MUC22: variants seen among roughly 807,000 people sequenced by gnomAD.
The protein encoded by MUC22 is mucin-22.
In MUC22, 24 loss-of-function variants were observed where a neutral mutation model predicts 40.3. The observed-to-expected ratio is 0.60, with a 90% CI of 0.43 to 0.84. MUC22 has a LOEUF of 0.84. MUC22 is among the 40% of genes least tolerant of loss of function. The pLI, the probability that MUC22 is intolerant of heterozygous loss-of-function variation, is 0.00. For missense variants in MUC22, 1,926 were observed against 2,130.7 expected, an observed-to-expected ratio of 0.90 and a Z score of 1.89; for synonymous variants, 765 against 844.5, an observed-to-expected ratio of 0.91 and a Z score of 1.63.
At chr6:31,033,251 A>G (rs1222820558) in intron 3 of MUC22, among the ~76,000 whole-genome samples, 1 of 146,818 alleles carries the variant, frequency 6.8e-6, no homozygotes, top group Non-Finnish European at 1.5e-5. Context: ...GAAAGGAAGA[A>G]AGCAAGAAAG....
chr6:31,020,304 C>A (rs1404830349), intron 1 of MUC22, among the ~76,000 whole-genome samples: 1 of 152,010 alleles, frequency 6.6e-6, no homozygotes, highest in East Asian at 1.9e-4. Flanking sequence ...AAAGAAGCAA[C>A]ATCATTAAAA....
At chr6:31,028,621 A>G (rs1291104607) in exon 2 of MUC22, 9 of 1,534,566 alleles carry the variant, frequency 5.9e-6, no homozygotes, top group Non-Finnish European at 7.0e-6. Flanking sequence ...AAACTCTGAG[A>G]CCACCATAGC....
intron 1 of MUC22, among the ~76,000 whole-genome samples, chr6:31,018,699 A>G (rs1362747936): frequency 6.6e-6 from 1 of 152,278 alleles, no homozygotes; most frequent in Non-Finnish European, 1.5e-5. Context: ...TCAATAAACT[A>G]AACTCACTTC....
upstream of MUC22, among the ~76,000 whole-genome samples, chr6:31,009,985 C>T (rs1478952433): frequency 1.3e-5 from 2 of 152,184 alleles, no homozygotes; most frequent in Non-Finnish European, 2.9e-5. Flanking sequence ...GTATCACTCA[C>T]GTAGCCATGT....
rs10685711 is a variant in MUC22, at chr6:31,024,869, C to CTTT, written c.71-617_71-615dup. ...TCCTGGCCTTTCAAATTGCTGCCTT[C>CTTT]TTTTTTTTTTTTTTTTTTAAGATGG... is the stretch of plus-strand genomic sequence containing the variant. On this transcript the variant is annotated intron_variant, in intron 1 of 3. Transcript: ENST00000561890. 3.4e-4 allele frequency among the ~76,000 whole-genome samples: 46 copies of CTTT among 135,956 alleles called. 1 individual carries two copies. Among genetic ancestry groups the CTTT allele is most frequent in the African/African-American group, 4.6e-4 (17 of 36,676 alleles). 89.2% of individuals were successfully genotyped at this position (135,956 alleles called of 152,430 possible).
chr6:31,016,399 A>G (rs1288161259), intron 1 of MUC22, among the ~76,000 whole-genome samples: 2 of 152,148 alleles, frequency 1.3e-5, no homozygotes, highest in African/African-American at 4.8e-5. Context: ...GCTTTAGGGT[A>G]ATTTAGCAGA....
rs930150955 is a variant in MUC22 at position 31,010,532 on chromosome 6, A to G, written c.-175A>G. ...AGCAATTTGGGGGCTCCCCCCAACC[A>G]TGCCATCTGCCTACAAGGCTTACCC... is the stretch of plus-strand genomic sequence containing the variant. On this transcript the variant is annotated 5_prime_UTR_variant, in exon 1 of 4. It removes an upstream start codon present in the reference 5' UTR. Transcript: ENST00000561890. The G allele has an allele frequency of 1.8e-5, 10 of 568,396 alleles. No individual in the cohort carries two copies. The highest frequency in any genetic ancestry group is 1.7e-4 in the African/African-American group (9 of 53,488). The allele number at this position is 568,396 out of a possible 1,614,324, so 35.2% of individuals were successfully genotyped here.
At chr6:31,010,873 C>A in intron 1 of MUC22, 97 bp downstream of exon 1, 1 of 640,690 alleles carries the variant, frequency 1.6e-6, no homozygotes, top group Non-Finnish European at 2.8e-6. Context: ...ACTCTTCTTC[C>A]AGAAACAATG....
intron 1 of MUC22, among the ~76,000 whole-genome samples, chr6:31,014,419 G>C (rs550904005): frequency 6.6e-6 from 1 of 151,840 alleles, no homozygotes; most frequent in Non-Finnish European, 1.5e-5. Flanking sequence ...AACCAGTACT[G>C]GTTGCTTGCT....
exon 2 of MUC22, chr6:31,025,814 T>A (rs1765244124): frequency 1.3e-6 from 2 of 1,530,022 alleles, no homozygotes; most frequent in African/African-American, 2.8e-5. Flanking sequence ...TCTGAAACTA[T>A]CGTGGCCTCC....
upstream of MUC22, among the ~76,000 whole-genome samples, chr6:31,009,511 T>C (rs1460867860): frequency 6.6e-6 from 1 of 152,232 alleles, no homozygotes. Context: ...ACTTTAATCA[T>C]CATCAGTTGA....
exon 4 of MUC22, chr6:31,035,042 G>A: frequency 1.6e-6 from 2 of 1,226,090 alleles, no homozygotes; most frequent in African/African-American, 1.5e-5. Context: ...TGGGTGGGAG[G>A]GGGTCATGGA....
intron 1 of MUC22, among the ~76,000 whole-genome samples, chr6:31,022,174 G>A (rs1764860891): frequency 6.6e-6 from 1 of 152,172 alleles, no homozygotes; most frequent in South Asian, 2.1e-4. Context: ...CTTAAGAGCT[G>A]TAACACTCAC....
At chr6:31,007,502 T>C (rs372824924), upstream of MUC22, among the ~76,000 whole-genome samples, 8 of 110,618 alleles carry the variant, frequency 7.2e-5, no homozygotes, top group African/African-American at 2.7e-4. The surrounding 1 kb of genome is among the most constrained non-coding windows in gnomAD (Gnocchi z 4.0). Context: ...AAAATAACTC[T>C]ACTTGAATTG....
chr6:31,026,076 C>T (rs1452874919), exon 2 of MUC22: 3 of 1,530,688 alleles, frequency 2.0e-6, no homozygotes, highest in Admixed American at 3.9e-5. Flanking sequence ...GCTCTGAAAC[C>T]ACCACAGCAT....
upstream of MUC22, among the ~76,000 whole-genome samples, chr6:31,009,602 A>G (rs1763733629): frequency 6.6e-6 from 1 of 152,204 alleles, no homozygotes; most frequent in African/African-American, 2.4e-5. Flanking sequence ...AGAAAATGAA[A>G]TTTCATCACC....
chr6:31,029,979 C>T (rs988370479), exon 2 of MUC22: 76 of 1,535,666 alleles, frequency 4.9e-5, no homozygotes, highest in Non-Finnish European at 1.0e-5. Flanking sequence ...CTGAGACCAC[C>T]ACAGTCTCTA....
At chr6:31,010,595 T>C (rs1294917630) in exon 1 of MUC22, 5 of 643,398 alleles carry the variant, frequency 7.8e-6, no homozygotes, top group Non-Finnish European at 1.4e-5. Flanking sequence ...TGTGCAACTT[T>C]ATTTTCTATC....
intron 1 of MUC22, among the ~76,000 whole-genome samples, chr6:31,016,589 T>G (rs1310479184): frequency 2.0e-5 from 3 of 152,238 alleles, no homozygotes; most frequent in African/African-American, 7.2e-5. Flanking sequence ...TGTAAGCATT[T>G]CCTTAATTGC....
Sources: allele counts gnomAD v4.1 joint callset (sites outside exome capture counted in the v4.1 genomes callset), GRCh38; gene constraint gnomAD v4.1.1; non-coding constraint Gnocchi (gnomAD v3.1); transcripts MANE v1.5; gene names NCBI Gene and HGNC (gene_info 2026-07-23, HGNC 2026-07-21).